LMO3: variants seen among roughly 807,000 people sequenced by gnomAD.
LMO3 encodes the protein LIM domain only 3, also known as LIM domain only protein 3.
Under a neutral mutation model 15.8 loss-of-function variants are expected in LMO3, and 2 were observed. The ratio of observed to expected loss-of-function variants is 0.13; its 90% CI spans 0.05 to 0.40. LMO3 has a LOEUF of 0.40. Among genes scored for constraint, LMO3 ranks in the 10% least tolerant of loss-of-function variants. The pLI is 0.99. For synonymous variants in LMO3, 62 were observed against 63.8 expected, an observed-to-expected ratio of 0.97 and a Z score of 0.13; for missense variants, 86 against 182.2, an observed-to-expected ratio of 0.47 and a Z score of 3.04.
chr12:16,600,668 T>C lies in LMO3; in HGVS notation c.193A>G (p.Arg65Gly). Residue 65 changes from arginine (R) to glycine (G), a missense_variant, in exon 2 of 4, where the codon AGA becomes GGA. Physicochemically the swap from Arg to Gly is moderately radical, Grantham distance 125. This residue lies in a region of LMO3 where 51 missense variants were observed against 140.3 expected (regional missense o/e 0.36). Transcript: ENST00000537304. ...YTKANLILCR[R>G]DYLRLFGVTG... ...GATAATTCCTACCTCAGATAGTCTC[T>C]GCGACAAAGGATAAGATTAGCTTTA... The C allele has an allele frequency of 6.2e-7, 1 of 1,613,982 alleles. No homozygotes were observed. Among genetic ancestry groups the C allele is most frequent in the Non-Finnish European group, 8.5e-7 (1 of 1,179,868 alleles).
chr12:16,558,404 C>A (rs1942270121), intron 3 of LMO3, among the ~76,000 whole-genome samples: 2 of 151,968 alleles, frequency 1.3e-5, no homozygotes, highest in African/African-American at 4.8e-5. Context: ...TGGTTACTGG[C>A]TGCTATTAGT....
chr12:16,551,951 ATAG>A (rs1313274551), intron 3 of LMO3, among the ~76,000 whole-genome samples: 1 of 152,016 alleles, frequency 6.6e-6, no homozygotes, highest in East Asian at 1.9e-4. Context: ...CCAACATGAA[ATAG>A]TAGATGTCAT....
chr12:16,560,825 T>A lies in LMO3; in HGVS notation c.207-287A>T. 2 of 433,792 alleles carry A rather than the reference T, an allele frequency of 4.6e-6. No homozygotes were observed. The highest frequency in any genetic ancestry group is 2.1e-5 in the African/African-American group (1 of 48,754). The allele number at this position is 433,792 out of a possible 1,614,324, so 26.9% of individuals were successfully genotyped here. A position where few individuals can be genotyped will look rare whatever the true frequency, so the allele number is the denominator to read the frequency against. On this transcript the variant is annotated intron_variant, in intron 2 of 3. Transcript: ENST00000537304. This position sits in a 1 kb window ranked among gnomAD's most constrained non-coding sequence, Gnocchi z 5.0. ...ACAGAAGTCAATGGGGGTGAATTCA[T>A]AGCAAAAATCTCTGGGTTAGAGTAT...
At chr12:16,594,361 G>A in intron 2 of LMO3, 2 of 1,145,788 alleles carry the variant, frequency 1.7e-6, no homozygotes, top group South Asian at 2.0e-5. Context: ...AAAGAAAAAG[G>A]CCATTTATAG....
At chr12:16,552,081 T>C (rs993633115) in intron 3 of LMO3, among the ~76,000 whole-genome samples, 3 of 152,218 alleles carry the variant, frequency 2.0e-5, no homozygotes, top group East Asian at 3.9e-4. Context: ...TCATAAAGCA[T>C]TGTTTAATGT....
At position 16,598,231 on chromosome 12, in the gene LMO3, G is replaced by A. The variant is rs920919006; in HGVS notation, c.206+2424C>T. 1.3e-5 allele frequency: 2 copies of A among 151,918 alleles called. No individual in the cohort carries two copies. Among genetic ancestry groups the A allele is most frequent in the African/African-American group, 2.4e-5 (1 of 41,394 alleles). 9.4% of individuals were successfully genotyped at this position (151,918 alleles called of 1,614,324 possible). ...ACATAAAACTAAATACCACATCTGC[G>A]GCATAATCTATAACACGTAACACAG... On this transcript the variant is annotated intron_variant, in intron 2 of 3. Transcript: ENST00000537304. This position sits in a 1 kb window ranked among gnomAD's most constrained non-coding sequence, Gnocchi z 4.3.
chr12:16,575,503 G>C (rs1942965693), intron 2 of LMO3, among the ~76,000 whole-genome samples: 1 of 152,162 alleles, frequency 6.6e-6, no homozygotes, highest in South Asian at 2.1e-4. Flanking sequence ...TGTTTATTGA[G>C]CCCTGTCTCT....
chr12:16,579,785 C>T (rs367573083), intron 2 of LMO3, among the ~76,000 whole-genome samples: 7 of 152,110 alleles, frequency 4.6e-5, no homozygotes, highest in South Asian at 2.1e-4. Context: ...CGAGTGAATG[C>T]GATACTTTAC....
rs533218918 is a variant in LMO3, at chr12:16,589,885, C to T, written c.206+10770G>A. ...GCAGACCACAGTAGGAATTAAGCCT[C>T]GTAAAGCTCTCTGGCTACTGTCTCC... On this transcript the variant is annotated intron_variant, in intron 2 of 3. Coordinates refer to ENST00000537304, the MANE Select transcript of LMO3 (RefSeq NM_018640.5). This position sits in a 1 kb window ranked among gnomAD's most constrained non-coding sequence, Gnocchi z 4.2. Among the ~76,000 whole-genome samples the T allele has an allele frequency of 1.3e-5, 2 of 152,178 alleles. No homozygotes were observed. Among genetic ancestry groups the T allele is most frequent in the South Asian group, 2.1e-4 (1 of 4,828 alleles).
At position 16,598,883 on chromosome 12, in the gene LMO3, T is replaced by G. The variant is rs948760365; in HGVS notation, c.206+1772A>C. 7.4e-6 allele frequency: 2 copies of G among 271,478 alleles called. No individual in the cohort carries two copies. The highest frequency in any genetic ancestry group is 1.9e-4 in the East Asian group (2 of 10,266). 16.8% of individuals were successfully genotyped at this position (271,478 alleles called of 1,614,324 possible). A position where few individuals can be genotyped will look rare whatever the true frequency, so the allele number is the denominator to read the frequency against. ...TTCTTTCAAGTTTACTTAATTTTTG[T>G]CCTTTGGTTTATTAAAACACCTTAA... On this transcript the variant is annotated intron_variant, in intron 2 of 3. Coordinates refer to ENST00000537304, the MANE Select transcript of LMO3 (RefSeq NM_018640.5). The surrounding 1 kb of genome is among the most constrained non-coding windows in gnomAD (Gnocchi z 4.3).
intron 2 of LMO3, among the ~76,000 whole-genome samples, chr12:16,583,310 T>G (rs971759746): frequency 4.6e-5 from 7 of 151,806 alleles, no homozygotes; most frequent in African/African-American, 1.7e-4. Flanking sequence ...AGACTGTTCT[T>G]TTTTTTTAAA....
chr12:16,571,112 G>T (rs1265111409), intron 2 of LMO3, among the ~76,000 whole-genome samples: 1 of 152,058 alleles, frequency 6.6e-6, no homozygotes, highest in Non-Finnish European at 1.5e-5. Flanking sequence ...CCTCGTTGAA[G>T]AAACAACCTA....
chr12:16,579,614 T>C (rs1188529799), intron 2 of LMO3, among the ~76,000 whole-genome samples: 1 of 152,180 alleles, frequency 6.6e-6, no homozygotes, highest in Non-Finnish European at 1.5e-5. Context: ...ATCACGTTGG[T>C]GGAATCCTTT....
intron 2 of LMO3, among the ~76,000 whole-genome samples, chr12:16,579,008 TAC>T (rs1943079686): frequency 6.6e-6 from 1 of 152,190 alleles, no homozygotes; most frequent in South Asian, 2.1e-4. Context: ...ATTACATTTG[TAC>T]ACACTCTTGA....
intron 2 of LMO3, among the ~76,000 whole-genome samples, chr12:16,568,666 T>C (rs547702214): frequency 7.2e-5 from 11 of 152,350 alleles, no homozygotes; most frequent in South Asian, 2.1e-4. Flanking sequence ...TTTGGATACA[T>C]TGCATTAAAT....
At position 16,560,854 on chromosome 12, in the gene LMO3, G is replaced by T. The variant is rs1942378393; in HGVS notation, c.207-316C>A. On this transcript the variant is annotated intron_variant, in intron 2 of 3. Coordinates refer to ENST00000537304, the MANE Select transcript of LMO3 (RefSeq NM_018640.5). This position sits in a 1 kb window ranked among gnomAD's most constrained non-coding sequence, Gnocchi z 5.0. ...AAAAATCTCTGGGTTAGAGTATATA[G>T]AAAATATAAAAGCAATATAACTTTG... 3 of 330,414 alleles carry T rather than the reference G, an allele frequency of 9.1e-6. No homozygotes were observed. The South Asian group carries it at 9.3e-5, about 10-fold the overall frequency. The allele number at this position is 330,414 out of a possible 1,614,324, so 20.5% of individuals were successfully genotyped here.
At position 16,584,913 on chromosome 12, in the gene LMO3, C is replaced by T. The variant is rs1943269875; in HGVS notation, c.206+15742G>A. Among the ~76,000 whole-genome samples, 2 of 152,174 alleles carry T rather than the reference C, an allele frequency of 1.3e-5. No homozygotes were observed. The highest frequency in any genetic ancestry group is 2.4e-5 in the African/African-American group (1 of 41,434). On this transcript the variant is annotated intron_variant, in intron 2 of 3. Transcript: ENST00000537304. This position sits in a 1 kb window ranked among gnomAD's most constrained non-coding sequence, Gnocchi z 5.2. ...TTCAAACACCTTAGCGAACTGTACACATTAAAGGGCCTGATCAGTTATCTG... is the reference window on the plus strand; with the variant it reads ...TTCAAACACCTTAGCGAACTGTACATATTAAAGGGCCTGATCAGTTATCTG...
intron 2 of LMO3, among the ~76,000 whole-genome samples, chr12:16,595,060 T>G (rs1943608048): frequency 6.6e-6 from 1 of 151,688 alleles, no homozygotes; most frequent in African/African-American, 2.4e-5. Flanking sequence ...AATACACTTG[T>G]AGAAACAGAA....
rs1382202073 is a variant in LMO3, at chr12:16,549,565, T to C, written c.*1657A>G. On this transcript the variant is annotated 3_prime_UTR_variant, in exon 4 of 4. Coordinates refer to ENST00000537304, the MANE Select transcript of LMO3 (RefSeq NM_018640.5). Reference sequence around the variant, plus strand: ...ACATTTAATTTTCATCTGTAATGCATATATTGGAAGGACAAAATATATATG... The same window carrying C: ...ACATTTAATTTTCATCTGTAATGCACATATTGGAAGGACAAAATATATATG... 1 of 152,530 alleles carries C rather than the reference T, an allele frequency of 6.6e-6. No homozygotes were observed. The highest frequency in any genetic ancestry group is 1.5e-5 in the Non-Finnish European group (1 of 67,998). 9.4% of individuals were successfully genotyped at this position (152,530 alleles called of 1,614,324 possible).
Sources: allele counts gnomAD v4.1 joint callset (sites outside exome capture counted in the v4.1 genomes callset), GRCh38; gene constraint gnomAD v4.1.1; regional missense constraint gnomAD v4.1.1; non-coding constraint Gnocchi (gnomAD v3.1); transcripts MANE v1.5; gene names NCBI Gene and HGNC (gene_info 2026-07-23, HGNC 2026-07-21).